CUX2: variants seen among roughly 807,000 people sequenced by gnomAD.
CUX2 encodes the protein cut like homeobox 2.
A neutral mutation model predicts 144.8 loss-of-function variants in CUX2; 40 were observed. That is an observed-to-expected ratio of 0.28 (90% CI 0.21 to 0.36). The LOEUF is 0.36. Among genes scored for constraint, CUX2 ranks in the 10% least tolerant of loss-of-function variants. CUX2 has a pLI of 1.00. For missense variants in CUX2, 1,615 were observed against 1,994.0 expected (o/e 0.81, Z 3.62); for synonymous variants, 827 against 875.6 (o/e 0.94, Z 0.98).
chr12:111,249,394 T>C (rs996918858), intron 3 of CUX2, among the ~76,000 whole-genome samples: 18 of 147,492 alleles, frequency 1.2e-4, no homozygotes, highest in African/African-American at 4.1e-4. Context: ...TCCCGGGTGC[T>C]ATTGCCTTTT....
chr12:111,324,070 G>T (rs1887658459), intron 18 of CUX2, among the ~76,000 whole-genome samples: 3 of 152,006 alleles, frequency 2.0e-5, no homozygotes, highest in South Asian at 4.1e-4. Flanking sequence ...AAATGTATAG[G>T]CCGGGTGTGA....
chr12:111,220,121 A>T (rs915143780), intron 3 of CUX2, among the ~76,000 whole-genome samples: 21 of 151,698 alleles, frequency 1.4e-4, no homozygotes, highest in African/African-American at 5.1e-4. Context: ...TCCAGCCTGG[A>T]CGACAGAGCA....
chr12:111,184,930 C>T (rs549170875), intron 1 of CUX2, among the ~76,000 whole-genome samples: 313 of 152,154 alleles, frequency 2.1e-3, no homozygotes, highest in Non-Finnish European at 3.5e-3. Flanking sequence ...GGCATGGTGG[C>T]GGGCACCTGT....
chr12:111,080,209 A>G (rs918426735), intron 1 of CUX2, among the ~76,000 whole-genome samples: 1 of 152,060 alleles, frequency 6.6e-6, no homozygotes, highest in Admixed American at 6.5e-5. Flanking sequence ...AGTTACCTTC[A>G]CAGGCTTCTC....
chr12:111,127,292 C>G (rs1875151900), intron 1 of CUX2, among the ~76,000 whole-genome samples: 1 of 152,242 alleles, frequency 6.6e-6, no homozygotes, highest in Admixed American at 6.5e-5. Context: ...GGGCAAGTGA[C>G]CCAACTTTCA....
At position 111,061,857 on chromosome 12, in the gene CUX2, G is replaced by A. The variant is rs1431585235; in HGVS notation, c.63+27617G>A. 5.3e-5 allele frequency among the ~76,000 whole-genome samples: 8 copies of A among 152,116 alleles called. No homozygotes were observed. Among genetic ancestry groups the A allele is most frequent in the African/African-American group, 9.7e-5 (4 of 41,428 alleles). On this transcript the variant is annotated intron_variant, in intron 1 of 21. Transcript: ENST00000261726. This position sits in a 1 kb window ranked among gnomAD's most constrained non-coding sequence, Gnocchi z 4.2. ...CAGGCAGGGATGTGGGGGGCGCCTC[G>A]TGGCCAAACACCAGGCTTTAGAGTC...
rs535941618 is a variant in CUX2 at position 111,081,249 on chromosome 12, G to A, written c.63+47009G>A. On this transcript the variant is annotated intron_variant, in intron 1 of 21. Coordinates refer to ENST00000261726, the MANE Select transcript of CUX2 (RefSeq NM_015267.4). The stretch of plus-strand genomic sequence containing the variant: ...ACCCCTCTGGGAGTCCAGCTTTCTC[G>A]AGCGGTGTCTCAAATTCTTCTAGAT... 5.9e-5 allele frequency among the ~76,000 whole-genome samples: 9 copies of A among 152,288 alleles called. No homozygotes were observed. In the South Asian group the frequency reaches 1.2e-3, roughly 21 times the overall value.
intron 1 of CUX2, among the ~76,000 whole-genome samples, chr12:111,202,095 A>T (rs1053191913): frequency 1.3e-5 from 2 of 152,228 alleles, no homozygotes; most frequent in Non-Finnish European, 2.9e-5. Flanking sequence ...CCTGGCATGT[A>T]GTAGGTGCTC....
chr12:111,186,763 A>G lies in CUX2; in HGVS notation c.64-27437A>G, dbSNP rs1375270098. ...CGCTGAGACATGTGCAGGTATTAAAATCGATATGATGTGTGTATGTTTTTT... is the reference window on the plus strand; with the variant it reads ...CGCTGAGACATGTGCAGGTATTAAAGTCGATATGATGTGTGTATGTTTTTT... On this transcript the variant is annotated intron_variant, in intron 1 of 21. Transcript: ENST00000261726. The surrounding 1 kb of genome is among the most constrained non-coding windows in gnomAD (Gnocchi z 4.4). Among the ~76,000 whole-genome samples, 1 of 150,536 alleles carries G rather than the reference A, an allele frequency of 6.6e-6. No homozygotes were observed. The highest frequency in any genetic ancestry group is 2.5e-5 in the African/African-American group (1 of 40,528).
intron 3 of CUX2, among the ~76,000 whole-genome samples, chr12:111,260,738 G>A (rs1172097303): frequency 2.6e-5 from 4 of 152,196 alleles, no homozygotes; most frequent in African/African-American, 9.6e-5. Flanking sequence ...GTGCCATGAA[G>A]GGAAAGTAGG....
chr12:111,341,740 G>A lies in CUX2; in HGVS notation c.3386-40G>A, dbSNP rs572019065. On this transcript the variant is annotated intron_variant, in intron 20 of 21. Coordinates refer to ENST00000261726, the MANE Select transcript of CUX2 (RefSeq NM_015267.4). ...TGCTGGCCAGGAACTTTTGGGATGG[G>A]GACACCACCTCTCAGCCCTCCCTCT... 6 of 1,532,898 alleles carry A rather than the reference G, an allele frequency of 3.9e-6. No individual in the cohort carries two copies. In the African/African-American group the frequency reaches 6.9e-5, roughly 18 times the overall value. The allele number at this position is 1,532,898 out of a possible 1,614,324, so 95.0% of individuals were successfully genotyped here. A position where few individuals can be genotyped will look rare whatever the true frequency, so the allele number is the denominator to read the frequency against.
At position 111,293,997 on chromosome 12, in the gene CUX2, T is replaced by C. The variant is rs918224249; in HGVS notation, c.560+428T>C. Reference sequence around the variant, plus strand: ...CTTTTTAAATTTTATTTTACAATAATTATAATGTTTTAGAGATGGGATCTT... The same window carrying C: ...CTTTTTAAATTTTATTTTACAATAACTATAATGTTTTAGAGATGGGATCTT... On this transcript the variant is annotated intron_variant, in intron 6 of 21. Coordinates refer to ENST00000261726, the MANE Select transcript of CUX2 (RefSeq NM_015267.4). This position sits in a 1 kb window ranked among gnomAD's most constrained non-coding sequence, Gnocchi z 4.5. 6.6e-6 allele frequency among the ~76,000 whole-genome samples: 1 copy of C among 152,252 alleles called. No individual in the cohort carries two copies. The highest frequency in any genetic ancestry group is 2.4e-5 in the African/African-American group (1 of 41,472).
chr12:111,098,679 G>T (rs1872996980), intron 1 of CUX2, among the ~76,000 whole-genome samples: 1 of 152,220 alleles, frequency 6.6e-6, no homozygotes, highest in African/African-American at 2.4e-5. Flanking sequence ...CCCAGCCCCA[G>T]AGCAGCTCAG....
At chr12:111,137,490 T>C (rs1348566765) in intron 1 of CUX2, among the ~76,000 whole-genome samples, 1 of 152,100 alleles carries the variant, frequency 6.6e-6, no homozygotes, top group African/African-American at 2.4e-5. Context: ...ATGATGGGAT[T>C]TTTATAAACT....
intron 1 of CUX2, among the ~76,000 whole-genome samples, chr12:111,064,023 G>A (rs1870920394): frequency 6.6e-6 from 1 of 152,200 alleles, no homozygotes; most frequent in African/African-American, 2.4e-5. Context: ...CTGTCTGGCT[G>A]GCCTTGGAAA....
At chr12:111,051,905 A>T (rs1870285160) in intron 1 of CUX2, among the ~76,000 whole-genome samples, 1 of 151,642 alleles carries the variant, frequency 6.6e-6, no homozygotes, top group Admixed American at 6.6e-5. Flanking sequence ...GGATTTTCTT[A>T]GTGGTTTGTG....
rs748011029 is a variant in CUX2, at chr12:111,348,353, C to A, written c.*28C>A. The stretch of plus-strand genomic sequence containing the variant: ...GCAGGGTGAGGGGGCAAGGGACATA[C>A]CCTGGTAACTACCTTCCTTCTCGCA... On this transcript the variant is annotated 3_prime_UTR_variant, in exon 22 of 22. Coordinates refer to ENST00000261726, the MANE Select transcript of CUX2 (RefSeq NM_015267.4). 1.9e-6 allele frequency: 3 copies of A among 1,577,960 alleles called. No homozygotes were observed. In the South Asian group the frequency reaches 3.4e-5, roughly 18 times the overall value.
intron 16 of CUX2, among the ~76,000 whole-genome samples, chr12:111,315,660 A>G (rs879669521): frequency 3.3e-5 from 5 of 152,134 alleles, no homozygotes; most frequent in African/African-American, 7.2e-5. Flanking sequence ...CAGAGGTTGC[A>G]GTGAGCCGAG....
intron 1 of CUX2, among the ~76,000 whole-genome samples, chr12:111,072,918 G>A (rs752581492): frequency 6.6e-6 from 1 of 152,132 alleles, no homozygotes; most frequent in Non-Finnish European, 1.5e-5. Context: ...TCATTCTTTT[G>A]AAAAGTAAAA....
Sources: gnomAD v4.1 joint callset for allele counts (sites outside exome capture counted in the v4.1 genomes callset) on GRCh38, gnomAD v4.1.1 for gene constraint, Gnocchi (gnomAD v3.1) non-coding constraint, MANE v1.5 for transcripts, NCBI Gene and HGNC (gene_info 2026-07-23, HGNC 2026-07-21) for gene names.